The following METTL15 variants were observed in gnomAD, a reference collection of about 807,000 sequenced individuals.
The protein encoded by METTL15 is methyltransferase 15, mitochondrial 12S rRNA N4-cytidine, also known as 12S rRNA N(4)-cytidine methyltransferase METTL15.
A neutral mutation model predicts 38.3 loss-of-function variants in METTL15; 34 were observed. The ratio of observed to expected loss-of-function variants is 0.89; its 90% CI spans 0.68 to 1.18. METTL15 has a LOEUF of 1.18. Ranked by LOEUF, METTL15 falls within the 50% of genes most tolerant of loss-of-function variation. The pLI is 0.00. For synonymous variants in METTL15, 162 were observed against 170.9 expected (o/e 0.95, Z 0.41); for missense variants, 438 against 498.4 (o/e 0.88, Z 1.15).
chr11:28,408,901 C>G (rs1393606887), intron 5 of METTL15, among the ~76,000 whole-genome samples: 1 of 152,146 alleles, frequency 6.6e-6, no homozygotes, highest in East Asian at 1.9e-4. Flanking sequence ...ACCACACCCT[C>G]TTTCAACAAT....
At chr11:28,287,156 A>ATGTG (rs150235421) in intron 4 of METTL15, 14,997 of 140,406 alleles carry the variant, frequency 0.11, 885 homozygotes, top group Non-Finnish European at 0.13. Context: ...GAGAGAGACA[A>ATGTG]TGTGTGTGTG....
intron 6 of METTL15, among the ~76,000 whole-genome samples, chr11:28,482,453 G>A (rs1851403532): frequency 6.6e-6 from 1 of 152,174 alleles, no homozygotes; most frequent in Admixed American, 6.5e-5. Flanking sequence ...AATCACAGAT[G>A]GTGTGTGATG....
At position 28,238,477 on chromosome 11, in the gene METTL15, G is replaced by T. The variant is rs984814437; in HGVS notation, c.407+27279G>T. 2.6e-5 allele frequency among the ~76,000 whole-genome samples: 4 copies of T among 152,170 alleles called. No homozygotes were observed. In the East Asian group the frequency reaches 7.7e-4, roughly 29 times the overall value. Reference sequence around the variant, plus strand: ...CGTCGGAAAAGCGCAGTATTCGGGTGGGAATGCCCCGATTTTCCAGGTGCC... The same window carrying T: ...CGTCGGAAAAGCGCAGTATTCGGGTTGGAATGCCCCGATTTTCCAGGTGCC... On this transcript the variant is annotated intron_variant, in intron 4 of 6. Transcript: ENST00000407364.
chr11:28,291,342 G>A (rs745766209), intron 5 of METTL15, among the ~76,000 whole-genome samples: 1 of 152,050 alleles, frequency 6.6e-6, no homozygotes, highest in South Asian at 2.1e-4. Flanking sequence ...CACCATTACC[G>A]GCCAACAATT....
intron 3 of METTL15, among the ~76,000 whole-genome samples, chr11:28,189,158 A>G (rs1851611459): frequency 6.6e-6 from 1 of 151,322 alleles, no homozygotes; most frequent in South Asian, 2.1e-4. Flanking sequence ...TCAGAAGCCC[A>G]CAGGAAATAT....
intron 3 of METTL15, among the ~76,000 whole-genome samples, chr11:28,121,781 T>A (rs1852248005): frequency 6.6e-6 from 1 of 151,912 alleles, no homozygotes; most frequent in African/African-American, 2.4e-5. Flanking sequence ...TTGATATGTG[T>A]TTAAAAGTCT....
At chr11:28,387,424 T>C (rs2133389753) in intron 5 of METTL15, among the ~76,000 whole-genome samples, 1 of 151,868 alleles carries the variant, frequency 6.6e-6, no homozygotes, top group African/African-American at 2.4e-5. Flanking sequence ...TAATTGTACA[T>C]TAAAAACTGG....
At chr11:28,267,574 C>T (rs1341821955) in intron 4 of METTL15, among the ~76,000 whole-genome samples, 1 of 152,222 alleles carries the variant, frequency 6.6e-6, no homozygotes, top group Non-Finnish European at 1.5e-5. Context: ...ATTAGAATAT[C>T]AGCTCCATGA....
At position 28,330,399 on chromosome 11, in the gene METTL15, C is replaced by T; in HGVS notation, c.782C>T (p.Ala261Val). 6.5e-7 allele frequency: 1 copy of T among 1,535,962 alleles called. No individual in the cohort carries two copies. The highest frequency in any genetic ancestry group is 8.8e-7 in the Non-Finnish European group (1 of 1,141,708). ...TQQLASIVAG[A>V]FPPSAIYTRK... is the part of the protein sequence containing the mutation. ...ATCTTTACAACATTTGTTTTAGGAG[C>T]ATTTCCTCCCTCTGCTATTTATACA... Residue 261 changes from alanine to valine, a missense_variant, in exon 7 of 7, where the codon GCA (alanine) becomes GTA (valine). Transcript: ENST00000407364.
At chr11:28,397,674 A>AGT (rs760511612) in intron 5 of METTL15, among the ~76,000 whole-genome samples, 23 of 151,884 alleles carry the variant, frequency 1.5e-4, no homozygotes, top group Non-Finnish European at 2.8e-4. Flanking sequence ...TGTGGAAGTC[A>AGT]GTGTGGCGAT....
At chr11:28,439,077 G>C (rs992049934) in intron 6 of METTL15, among the ~76,000 whole-genome samples, 6 of 151,694 alleles carry the variant, frequency 4.0e-5, no homozygotes, top group African/African-American at 1.4e-4. Context: ...AGATCCAGCA[G>C]AGGCAGAAAA....
rs185591194 is a variant in METTL15 at position 28,288,650 on chromosome 11, T to C, written c.408-1556T>C. On this transcript the variant is annotated intron_variant, in intron 4 of 6. Coordinates refer to ENST00000407364, the MANE Select transcript of METTL15 (RefSeq NM_001113528.2). Reference sequence around the variant, plus strand: ...ACACATAGAGGGGAACAACACACACTGGGGCCTACCAGAGTGGGGAGGGTG... The same window carrying C: ...ACACATAGAGGGGAACAACACACACCGGGGCCTACCAGAGTGGGGAGGGTG... Among the ~76,000 whole-genome samples the C allele has an allele frequency of 1.5e-3, 226 of 151,962 alleles. 1 individual carries two copies. The Middle Eastern group carries it at 0.017, about 11-fold the overall frequency.
At chr11:28,525,569 G>A (rs772167588) in intron 6 of METTL15, among the ~76,000 whole-genome samples, 4 of 151,986 alleles carry the variant, frequency 2.6e-5, no homozygotes, top group Non-Finnish European at 5.9e-5. Flanking sequence ...TAGACACAGA[G>A]CGCTGATTGG....
chr11:28,363,534 ATTGT>A (rs139857725), intron 5 of METTL15, among the ~76,000 whole-genome samples: 5,742 of 151,986 alleles, frequency 0.038, 353 homozygotes, highest in African/African-American at 0.13. Context: ...TTTTAATTTG[ATTGT>A]TTGTTTTTAC....
intron 4 of METTL15, among the ~76,000 whole-genome samples, chr11:28,237,899 C>A (rs1031668841): frequency 5.3e-5 from 8 of 152,186 alleles, no homozygotes; most frequent in Non-Finnish European, 1.0e-4. Flanking sequence ...GTATCAGCAG[C>A]GGTGGCTGCA....
At chr11:28,298,853 T>C (rs1364111177) in intron 6 of METTL15, among the ~76,000 whole-genome samples, 2 of 152,074 alleles carry the variant, frequency 1.3e-5, no homozygotes, top group African/African-American at 4.8e-5. Flanking sequence ...AAAACAAAAA[T>C]GTGTTTTCAT....
At chr11:28,519,765 C>A (rs1301554182) in intron 6 of METTL15, among the ~76,000 whole-genome samples, 1 of 151,590 alleles carries the variant, frequency 6.6e-6, no homozygotes, top group African/African-American at 2.4e-5. Context: ...TGCAGAAAGG[C>A]TAAAAAAAAA....
chr11:28,500,532 A>G (rs2133490041), intron 6 of METTL15, among the ~76,000 whole-genome samples: 1 of 151,362 alleles, frequency 6.6e-6, no homozygotes, highest in African/African-American at 2.4e-5. Flanking sequence ...TATTTTTCCA[A>G]TGTCTTTTTT....
In METTL15 at chr11:28,378,515, C is replaced by T. The variant is rs560378292; in HGVS notation, c.*358+16479C>T. On this transcript the variant is annotated intron_variant and NMD_transcript_variant, in intron 5 of 7. Coordinates refer to the METTL15 transcript ENST00000532947. ...GGCAATGCCTCGCCCTGCTTCGGCTCGTGCACGGTGCGTGCACCCACTGAC... is the reference window on the plus strand; with the variant it reads ...GGCAATGCCTCGCCCTGCTTCGGCTTGTGCACGGTGCGTGCACCCACTGAC... 4.4e-3 allele frequency among the ~76,000 whole-genome samples: 667 copies of T among 152,330 alleles called. 7 individuals carry two copies. Among genetic ancestry groups the T allele is most frequent in the African/African-American group, 0.014 (584 of 41,588 alleles).
Sources: gnomAD v4.1 joint callset for allele counts (sites outside exome capture counted in the v4.1 genomes callset) on GRCh38, gnomAD v4.1.1 for gene constraint, MANE v1.5 for transcripts, NCBI Gene and HGNC (gene_info 2026-07-23, HGNC 2026-07-21) for gene names.